AGFG1: variants seen among roughly 807,000 people sequenced by gnomAD.
The protein encoded by AGFG1 is arf-GAP domain and FG repeat-containing protein 1.
A neutral mutation model predicts 60.6 loss-of-function variants in AGFG1; 10 were observed. The observed-to-expected ratio is 0.16, with a 90% confidence interval of 0.10 to 0.28. The LOEUF is 0.28. Ranked by LOEUF, AGFG1 falls within the 10% of genes least tolerant of loss-of-function variation. The pLI, the probability that AGFG1 is intolerant of heterozygous loss-of-function variation, is 1.00. For missense variants in AGFG1, 537 were observed against 676.5 expected (o/e 0.79, Z 2.29); for synonymous variants, 247 against 242.9 (o/e 1.02, Z -0.16).
chr2:227,478,034 AT>A (rs1690336757), intron 1 of AGFG1, among the ~76,000 whole-genome samples: 1 of 152,042 alleles, frequency 6.6e-6, no homozygotes, highest in Admixed American at 6.6e-5. Flanking sequence ...CATTGAGAAA[AT>A]ACTGTTGTGT....
intron 5 of AGFG1, among the ~76,000 whole-genome samples, chr2:227,525,703 G>A (rs1691972374): frequency 1.3e-5 from 2 of 152,192 alleles, no homozygotes; most frequent in African/African-American, 4.8e-5. Flanking sequence ...CCTGTAACAA[G>A]TTCCTATGTT....
At chr2:227,550,069 A>G in intron 10 of AGFG1, 1 of 453,436 alleles carries the variant, frequency 2.2e-6, no homozygotes, top group South Asian at 1.6e-5. Flanking sequence ...GCCTTTCTGG[A>G]GCAATGCATT....
intron 10 of AGFG1, among the ~76,000 whole-genome samples, chr2:227,542,515 G>T (rs1237316773): frequency 6.6e-6 from 1 of 152,182 alleles, no homozygotes; most frequent in Admixed American, 6.5e-5. Context: ...AAGCCAGCTT[G>T]ATCATGGTGG....
chr2:227,496,494 G>T (rs1460719772), intron 2 of AGFG1, among the ~76,000 whole-genome samples: 1 of 152,026 alleles, frequency 6.6e-6, no homozygotes, highest in Non-Finnish European at 1.5e-5. Flanking sequence ...CTGTCCTTAG[G>T]TCCTAGGGAT....
At chr2:227,526,796 G>A (rs1692009560) in intron 5 of AGFG1, among the ~76,000 whole-genome samples, 2 of 152,042 alleles carry the variant, frequency 1.3e-5, no homozygotes, top group African/African-American at 4.8e-5. Flanking sequence ...CACCTGCCTT[G>A]GCCTCCCAAA....
intron 2 of AGFG1, among the ~76,000 whole-genome samples, chr2:227,493,399 A>G (rs1250551666): frequency 6.6e-6 from 1 of 152,180 alleles, no homozygotes; most frequent in African/African-American, 2.4e-5. Context: ...ATATAAATGG[A>G]ATTACACAAT....
chr2:227,528,603 T>C (rs1396801114), intron 5 of AGFG1, among the ~76,000 whole-genome samples: 1 of 152,238 alleles, frequency 6.6e-6, no homozygotes, highest in Non-Finnish European at 1.5e-5. Context: ...TATTGAAATG[T>C]AATGCAAAAT....
At chr2:227,539,104 A>G (rs1692402814) in intron 10 of AGFG1, among the ~76,000 whole-genome samples, 1 of 152,172 alleles carries the variant, frequency 6.6e-6, no homozygotes, top group Non-Finnish European at 1.5e-5. Context: ...AGTGTTTTAT[A>G]CCATCAAAGT....
At position 227,552,156 on chromosome 2, in the gene AGFG1, T is replaced by G. The variant is rs765529520; in HGVS notation, c.1537+39T>G. 34 of 1,610,762 alleles carry G rather than the reference T, an allele frequency of 2.1e-5. No individual in the cohort carries two copies. In the Admixed American group the frequency reaches 5.7e-4, roughly 27 times the overall value. The stretch of plus-strand genomic sequence containing the variant: ...TTTGGCGAGCTGTAAGTTCATTTTA[T>G]GTATCCTTTTTATATCATAATGTTG... On this transcript the variant is annotated intron_variant, in intron 11 of 12. Transcript: ENST00000310078.
intron 2 of AGFG1, among the ~76,000 whole-genome samples, chr2:227,518,329 C>G (rs983240198): frequency 6.6e-6 from 1 of 152,096 alleles, no homozygotes; most frequent in African/African-American, 2.4e-5. Flanking sequence ...AGTAGAATGG[C>G]TACATCATAT....
chr2:227,497,827 C>A (rs970730190), intron 2 of AGFG1, among the ~76,000 whole-genome samples: 14 of 145,038 alleles, frequency 9.7e-5, no homozygotes, highest in Admixed American at 4.3e-4. Flanking sequence ...TCACTGCAAC[C>A]TCCACCTCCC....
intron 1 of AGFG1, among the ~76,000 whole-genome samples, chr2:227,490,946 C>G (rs1177919643): frequency 6.6e-6 from 1 of 152,162 alleles, no homozygotes; most frequent in Non-Finnish European, 1.5e-5. Context: ...TATGTCCCTG[C>G]AGTTTCCTCT....
intron 8 of AGFG1, among the ~76,000 whole-genome samples, chr2:227,535,525 ATC>A (rs1187416514): frequency 6.6e-6 from 1 of 152,204 alleles, no homozygotes; most frequent in African/African-American, 2.4e-5. Flanking sequence ...GTTCATATAT[ATC>A]TGTTAGAATT....
At chr2:227,493,619 T>C (rs1037596942) in intron 2 of AGFG1, among the ~76,000 whole-genome samples, 38 of 152,218 alleles carry the variant, frequency 2.5e-4, no homozygotes, top group African/African-American at 8.9e-4. Context: ...CTGAAATGTA[T>C]TTATGAATCT....
chr2:227,523,674 T>A, intron 3 of AGFG1, 89 bp from the exon 4 acceptor site: 2 of 1,286,442 alleles, frequency 1.6e-6, no homozygotes, highest in Non-Finnish European at 2.2e-6. Context: ...GGTGAAACAA[T>A]CTTGTACAAA....
At chr2:227,483,933 A>G (rs961214815) in intron 1 of AGFG1, among the ~76,000 whole-genome samples, 4 of 151,428 alleles carry the variant, frequency 2.6e-5, no homozygotes, top group African/African-American at 7.3e-5. Flanking sequence ...TTTTTTTATT[A>G]TACTTTAAGT....
chr2:227,552,142 G>C, intron 11 of AGFG1, 25 bp downstream of exon 11: 2 of 1,613,566 alleles, frequency 1.2e-6, no homozygotes, highest in Non-Finnish European at 1.7e-6. Flanking sequence ...TTGGCGAGCT[G>C]TAAGTTCATT....
rs886186521 is a variant in AGFG1, at chr2:227,558,962, G to A, written c.*4467G>A. On this transcript the variant is annotated 3_prime_UTR_variant, in exon 13 of 13. Transcript: ENST00000310078. ...ATTGGTCATTTGATGATTATATCCA[G>A]TATTTGGAGAGCTTTTATATTGTTA... 4 of 152,186 alleles carry A rather than the reference G, an allele frequency of 2.6e-5. No homozygotes were observed. Among genetic ancestry groups the A allele is most frequent in the African/African-American group, 9.6e-5 (4 of 41,458 alleles). The allele number at this position is 152,186 out of a possible 1,614,324, so 9.4% of individuals were successfully genotyped here.
chr2:227,488,762 G>T (rs761271542), intron 1 of AGFG1, among the ~76,000 whole-genome samples: 2 of 152,168 alleles, frequency 1.3e-5, no homozygotes, highest in East Asian at 3.8e-4. Context: ...AAAGTGTTGT[G>T]CCCTAAGTGA....
Sources: gnomAD v4.1 joint callset for allele counts (sites outside exome capture counted in the v4.1 genomes callset) on GRCh38, gnomAD v4.1.1 for gene constraint, MANE v1.5 for transcripts, NCBI Gene and HGNC (gene_info 2026-07-23, HGNC 2026-07-21) for gene names.